The following CARS2 variants were observed in gnomAD, a reference collection of about 807,000 sequenced individuals.
The protein encoded by CARS2 is probable cysteine--tRNA ligase, mitochondrial.
Under a neutral mutation model 68.8 loss-of-function variants are expected in CARS2, and 52 were observed. That is an observed-to-expected ratio of 0.76 (90% confidence interval 0.61 to 0.95). The LOEUF is 0.95. Ranked by LOEUF, CARS2 falls within the 40% of genes least tolerant of loss-of-function variation. The pLI is 0.00. For missense variants in CARS2, 780 were observed against 754.2 expected (o/e 1.03, Z -0.40); for synonymous variants, 314 against 303.6 (o/e 1.03, Z -0.36).
At position 110,684,998 on chromosome 13, in the gene CARS2, C is replaced by T. The variant is rs188930722; in HGVS notation, c.572-1864G>A. Among the ~76,000 whole-genome samples, 134 of 152,154 alleles carry T rather than the reference C, an allele frequency of 8.8e-4. 1 individual carries two copies. Among genetic ancestry groups the T allele is most frequent in the African/African-American group, 3.0e-3 (125 of 41,522 alleles). On this transcript the variant is annotated intron_variant, in intron 5 of 14. Transcript: ENST00000257347. The stretch of plus-strand genomic sequence containing the variant: ...AATTGTTTATAATAAAACACAGTAA[C>T]AAAACAACAAACAGCATTCAATCCT...
chr13:110,651,180 A>G (rs1235484368), intron 9 of CARS2, 80 bp from the exon 10 acceptor site: 3 of 959,294 alleles, frequency 3.1e-6, no homozygotes, highest in African/African-American at 1.7e-5. Flanking sequence ...ACTTTCTACA[A>G]TTACATAAGT....
intron 9 of CARS2, 41 bp downstream of exon 9, chr13:110,663,410 G>C (rs2062562743): frequency 6.3e-7 from 1 of 1,588,384 alleles, no homozygotes; most frequent in African/African-American, 1.4e-5. Flanking sequence ...GGTTCCACAA[G>C]CTATCGGCAC....
chr13:110,684,241 G>C (rs1200190223), intron 5 of CARS2, among the ~76,000 whole-genome samples: 1 of 152,150 alleles, frequency 6.6e-6, no homozygotes, highest in East Asian at 1.9e-4. Flanking sequence ...TCAGGCCCCA[G>C]GCGTGGGTGC....
intron 13 of CARS2, 38 bp from the exon 14 acceptor site, chr13:110,642,559 T>A (rs982253279): frequency 4.6e-6 from 7 of 1,522,744 alleles, no homozygotes; most frequent in Non-Finnish European, 6.2e-6. Flanking sequence ...CCCCGGAGAC[T>A]GTGGATTGTG....
chr13:110,653,383 C>G lies in CARS2; in HGVS notation c.988-2283G>C, dbSNP rs928533387. Among the ~76,000 whole-genome samples, 6 of 152,188 alleles carry G rather than the reference C, an allele frequency of 3.9e-5. No individual in the cohort carries two copies. Among genetic ancestry groups the G allele is most frequent in the African/African-American group, 1.4e-4 (6 of 41,442 alleles). On this transcript the variant is annotated intron_variant, in intron 9 of 14. Transcript: ENST00000257347. This position sits in a 1 kb window ranked among gnomAD's most constrained non-coding sequence, Gnocchi z 5.6. Reference sequence around the variant, plus strand: ...ATTCGCAACTCGCAGGCTTACTTGACACCCTCCCTCACCCGAGGTGCTGTG... The same window carrying G: ...ATTCGCAACTCGCAGGCTTACTTGAGACCCTCCCTCACCCGAGGTGCTGTG...
intron 9 of CARS2, among the ~76,000 whole-genome samples, chr13:110,655,904 T>C (rs1258407122): frequency 2.6e-5 from 4 of 152,236 alleles, no homozygotes; most frequent in Non-Finnish European, 5.9e-5. Context: ...AACACAACTG[T>C]GGCTGCTGGG....
chr13:110,643,996 A>G lies in CARS2; in HGVS notation c.1416+389T>C, dbSNP rs569975699. The G allele has an allele frequency of 2.4e-5, 17 of 701,342 alleles. No individual in the cohort carries two copies. The East Asian group carries it at 6.0e-4, about 25-fold the overall frequency. 43.4% of individuals were successfully genotyped at this position (701,342 alleles called of 1,614,324 possible). On this transcript the variant is annotated intron_variant, in intron 13 of 14. Transcript: ENST00000257347. Reference sequence around the variant, plus strand: ...GGAGCCCGTCCTGTCCGTACAAAACATGTGCCAGGCAAGGGGGCTCAGGTC... The same window carrying G: ...GGAGCCCGTCCTGTCCGTACAAAACGTGTGCCAGGCAAGGGGGCTCAGGTC...
At chr13:110,709,160 C>T (rs959318837), upstream of CARS2, among the ~76,000 whole-genome samples, 2 of 151,074 alleles carry the variant, frequency 1.3e-5, no homozygotes, top group Admixed American at 6.6e-5. Context: ...TGGGTTCAAG[C>T]GATTCTCCTG....
At position 110,687,016 on chromosome 13, in the gene CARS2, G is replaced by C. The variant is rs182442423; in HGVS notation, c.571+705C>G. Among the ~76,000 whole-genome samples the C allele has an allele frequency of 2.0e-3, 305 of 152,202 alleles. 1 individual carries two copies. Among genetic ancestry groups the C allele is most frequent in the African/African-American group, 7.1e-3 (293 of 41,514 alleles). ...GAAAAAACGATAGCCAAACAGACGG[G>C]GGTGACCTGGGCTGACTTTTAATAA... On this transcript the variant is annotated intron_variant, in intron 5 of 14. Transcript: ENST00000257347.
At chr13:110,648,784 C>G (rs2062117314) in intron 10 of CARS2, 1 of 152,228 alleles carries the variant, frequency 6.6e-6, no homozygotes, top group Admixed American at 6.5e-5. Context: ...TTGAGAAAGC[C>G]TCTTTTCAGA....
chr13:110,689,951 G>A (rs79483970), intron 3 of CARS2, among the ~76,000 whole-genome samples: 13,842 of 152,232 alleles, frequency 0.091, 831 homozygotes, highest in Middle Eastern at 0.14. Flanking sequence ...TGGGGTGGCC[G>A]GGCGCGGTGG....
At chr13:110,678,819 G>A (rs1246123863) in intron 6 of CARS2, among the ~76,000 whole-genome samples, 2 of 152,150 alleles carry the variant, frequency 1.3e-5, no homozygotes. Context: ...CAGGGAAAAA[G>A]CGGACCTGGA....
upstream of CARS2, among the ~76,000 whole-genome samples, chr13:110,708,424 A>C (rs1357354451): frequency 1.3e-5 from 2 of 152,276 alleles, no homozygotes; most frequent in East Asian, 3.8e-4. Flanking sequence ...GTAACACTGA[A>C]GATCAAATCT....
chr13:110,642,334 G>C lies in CARS2; in HGVS notation c.1604C>G (p.Ala535Gly). 1 of 1,550,512 alleles carries C rather than the reference G, an allele frequency of 6.4e-7. No homozygotes were observed. The highest frequency in any genetic ancestry group is 1.2e-5 in the South Asian group (1 of 84,058). Residue 535 changes from alanine to glycine, a missense_variant, in exon 14 of 15, where the codon GCC becomes GGC. Ala to Gly is a moderately conservative substitution (Grantham distance 60). Coordinates refer to ENST00000257347, the MANE Select transcript of CARS2 (RefSeq NM_024537.4). ...ACTCACCTTGATGTTGATGCCGTGG[G>C]CAGTCAGGCCCCGGCGCAGGGTGTC... is the stretch of plus-strand genomic sequence containing the variant. ...ACDTLRRGLTAHGINIKDRSS... is the reference protein window; with the variant it reads ...ACDTLRRGLTGHGINIKDRSS...
chr13:110,712,643 G>T, intron 1 of CARS2: 1 of 584,180 alleles, frequency 1.7e-6, no homozygotes, highest in Non-Finnish European at 3.2e-6. Flanking sequence ...GGGCGACGCG[G>T]GGGAGGGCGG....
At chr13:110,695,956 G>A (rs976431060) in intron 3 of CARS2, among the ~76,000 whole-genome samples, 1 of 152,060 alleles carries the variant, frequency 6.6e-6, no homozygotes, top group Non-Finnish European at 1.5e-5. Context: ...GGCGCCGGGT[G>A]TGTGATGTTC....
rs1244620021 is a variant in CARS2 at position 110,665,801 on chromosome 13, T to G, written c.919+1539A>C. On this transcript the variant is annotated intron_variant, in intron 8 of 14. Coordinates refer to ENST00000257347, the MANE Select transcript of CARS2 (RefSeq NM_024537.4). This position sits in a 1 kb window ranked among gnomAD's most constrained non-coding sequence, Gnocchi z 4.3. ...ATTTACTTTCATGAAGAAACCCAAG[T>G]GAACCCTGCTGCGGACCAGAAAACC... is the stretch of plus-strand genomic sequence containing the variant. 1 of 985,254 alleles carries G rather than the reference T, an allele frequency of 1.0e-6. No individual in the cohort carries two copies. Among genetic ancestry groups the G allele is most frequent in the African/African-American group, 1.7e-5 (1 of 57,214 alleles). 61.0% of individuals were successfully genotyped at this position (985,254 alleles called of 1,614,324 possible).
At chr13:110,646,163 T>G in intron 11 of CARS2, 73 bp from the exon 12 acceptor site, 1 of 1,522,312 alleles carries the variant, frequency 6.6e-7, no homozygotes, top group African/African-American at 1.4e-5. Flanking sequence ...CACCAGTCCT[T>G]CCCCAGGGAG....
intron 3 of CARS2, among the ~76,000 whole-genome samples, chr13:110,690,932 C>A (rs1006253441): frequency 6.6e-6 from 1 of 152,232 alleles, no homozygotes; most frequent in East Asian, 1.9e-4. Flanking sequence ...TAGGAACTAT[C>A]TGCATTAAAT....
Sources: allele counts gnomAD v4.1 joint callset (sites outside exome capture counted in the v4.1 genomes callset), GRCh38; gene constraint gnomAD v4.1.1; non-coding constraint Gnocchi (gnomAD v3.1); transcripts MANE v1.5; gene names NCBI Gene and HGNC (gene_info 2026-07-23, HGNC 2026-07-21).